KIF16B: variants seen among roughly 807,000 people sequenced by gnomAD.
The protein encoded by KIF16B is kinesin family member 16B.
In KIF16B, 98 loss-of-function variants were observed where a neutral mutation model predicts 156.3. The observed-to-expected ratio is 0.63, with a 90% CI of 0.53 to 0.74. The LOEUF (loss-of-function observed/expected upper bound fraction) is 0.74. Ranked by LOEUF, KIF16B falls within the 30% of genes least tolerant of loss-of-function variation. KIF16B has a pLI of 0.00. For synonymous variants in KIF16B, 564 were observed against 583.7 expected (o/e 0.97, Z 0.49); for missense variants, 1,421 against 1,606.5 (o/e 0.88, Z 1.97).
At chr20:16,511,353 TCA>T in intron 6 of KIF16B, 63 bp downstream of exon 6, 1 of 875,546 alleles carries the variant, frequency 1.1e-6, no homozygotes, top group African/African-American at 1.7e-5. Context: ...CTATATTTTT[TCA>T]TTGAAAGTGT....
At chr20:16,288,717 T>C (rs1456744693) in intron 25 of KIF16B, among the ~76,000 whole-genome samples, 1 of 151,466 alleles carries the variant, frequency 6.6e-6, no homozygotes, top group Non-Finnish European at 1.5e-5. Context: ...TGTACCTTAG[T>C]AAACACAGTA....
chr20:16,289,413 G>T (rs1442544083), intron 25 of KIF16B, among the ~76,000 whole-genome samples: 1 of 152,172 alleles, frequency 6.6e-6, no homozygotes, highest in Non-Finnish European at 1.5e-5. Context: ...GGCTTAAAAT[G>T]TGGAAGTGTT....
chr20:16,276,969 G>T (rs1456764337), intron 25 of KIF16B, among the ~76,000 whole-genome samples: 1 of 152,172 alleles, frequency 6.6e-6, no homozygotes, highest in Admixed American at 6.5e-5. Context: ...ATCTAGATAT[G>T]AATTATACAA....
intron 12 of KIF16B, among the ~76,000 whole-genome samples, chr20:16,480,415 A>T (rs764080348): frequency 6.6e-6 from 1 of 152,180 alleles, no homozygotes; most frequent in Non-Finnish European, 1.5e-5. Flanking sequence ...TGAGACCAAG[A>T]GAGAGAATAT....
intron 22 of KIF16B, chr20:16,366,949 G>A (rs2064680249): frequency 8.0e-6 from 10 of 1,251,432 alleles, no homozygotes; most frequent in Non-Finnish European, 1.0e-5. Flanking sequence ...ATATTTTATT[G>A]GGGCTCTGCT....
intron 1 of KIF16B, among the ~76,000 whole-genome samples, chr20:16,567,849 G>T (rs937765182): frequency 6.6e-6 from 1 of 152,196 alleles, no homozygotes; most frequent in Non-Finnish European, 1.5e-5. Context: ...CTACTCGGGA[G>T]GCTGAGGCAG....
intron 12 of KIF16B, among the ~76,000 whole-genome samples, chr20:16,447,504 T>C (rs1023365733): frequency 6.6e-6 from 1 of 152,002 alleles, no homozygotes; most frequent in Non-Finnish European, 1.5e-5. Context: ...CTGGGTGCAG[T>C]GGCTCACACC....
At chr20:16,447,460 T>C (rs2066965321) in intron 12 of KIF16B, among the ~76,000 whole-genome samples, 1 of 152,086 alleles carries the variant, frequency 6.6e-6, no homozygotes, top group Non-Finnish European at 1.5e-5. Context: ...CAGAAACTTA[T>C]ACTGGAAAAG....
At chr20:16,282,279 C>T (rs1282439821) in intron 25 of KIF16B, among the ~76,000 whole-genome samples, 9 of 151,950 alleles carry the variant, frequency 5.9e-5, no homozygotes, top group Admixed American at 2.6e-4. Flanking sequence ...CTGATATGCC[C>T]GCCTCAGCCT....
At chr20:16,537,965 A>G (rs762184719) in intron 1 of KIF16B, among the ~76,000 whole-genome samples, 6 of 151,994 alleles carry the variant, frequency 3.9e-5, no homozygotes, top group Non-Finnish European at 7.4e-5. Context: ...TGGCCTCCCA[A>G]AGTGTTAGGG....
At chr20:16,337,960 T>C (rs760763554) in intron 23 of KIF16B, among the ~76,000 whole-genome samples, 1 of 152,212 alleles carries the variant, frequency 6.6e-6, no homozygotes, top group Non-Finnish European at 1.5e-5. Context: ...CAGGTGAGAC[T>C]ATACTATACT....
chr20:16,547,961 ACT>A (rs2070479479), intron 1 of KIF16B, among the ~76,000 whole-genome samples: 1 of 151,932 alleles, frequency 6.6e-6, no homozygotes, highest in East Asian at 1.9e-4. Context: ...ATTAAATCTG[ACT>A]CTCTGGCAGA....
chr20:16,429,951 A>G lies in KIF16B; in HGVS notation c.1334T>C (p.Ile445Thr), dbSNP rs770208973. The G allele has an allele frequency of 1.2e-5, 20 of 1,612,994 alleles. No homozygotes were observed. The highest frequency in any genetic ancestry group is 1.7e-5 in the Non-Finnish European group (20 of 1,179,412). ...EQTLALRKEGIGVVLDSELPH... is the reference protein window; with the variant it reads ...EQTLALRKEGTGVVLDSELPH... Reference sequence around the variant, plus strand: ...CAGTTCAGAATCCAAAACAACTCCAATCCCTTCTTTCCTGAGGGCTAGAGT... The same window carrying G: ...CAGTTCAGAATCCAAAACAACTCCAGTCCCTTCTTTCCTGAGGGCTAGAGT... The change falls in exon 13 of 26, where the codon ATT becomes ACT. Residue 445 changes from isoleucine to threonine, a missense_variant. Physicochemically the swap from Ile to Thr is moderately conservative, Grantham distance 89. Coordinates refer to ENST00000354981, the MANE Select transcript of KIF16B (RefSeq NM_024704.5).
At chr20:16,361,523 C>G (rs1429842523) in intron 22 of KIF16B, among the ~76,000 whole-genome samples, 1 of 152,150 alleles carries the variant, frequency 6.6e-6, no homozygotes, top group Non-Finnish European at 1.5e-5. Flanking sequence ...TGGATTTTGC[C>G]AAGACGTGGC....
intron 12 of KIF16B, among the ~76,000 whole-genome samples, chr20:16,492,724 C>T (rs553489245): frequency 2.0e-5 from 3 of 152,178 alleles, no homozygotes; most frequent in Admixed American, 6.5e-5. Flanking sequence ...GCAGAAGAGA[C>T]GGAGCTTCCA....
intron 25 of KIF16B, among the ~76,000 whole-genome samples, chr20:16,299,632 C>T (rs1378101442): frequency 6.6e-6 from 1 of 152,182 alleles, no homozygotes; most frequent in Non-Finnish European, 1.5e-5. Context: ...CCAAAGAGAA[C>T]TTTGGCTATG....
At position 16,380,022 on chromosome 20, in the gene KIF16B, G is replaced by C. The variant is rs1368858939; in HGVS notation, c.1980C>G (p.Arg660=). ...GCTTGTTCTCGATGTGGAAGCTGCG[G>C]CGTTTGAGGCTCTCCTCCTGCTTGC... ...QIRKQEESLK[R]RSFHIENKLK... The change falls in exon 19 of 26, where the codon CGC becomes CGG. Residue 660 remains arginine, a synonymous_variant. Coordinates refer to ENST00000354981, the MANE Select transcript of KIF16B (RefSeq NM_024704.5). 6.3e-7 allele frequency: 1 copy of C among 1,596,936 alleles called. No homozygotes were observed. Among genetic ancestry groups the C allele is most frequent in the Non-Finnish European group, 8.5e-7 (1 of 1,173,318 alleles).
At position 16,379,536 on chromosome 20, in the gene KIF16B, T is replaced by C. The variant is rs1318361718; in HGVS notation, c.2466A>G (p.Gln822=). 3.1e-6 allele frequency: 5 copies of C among 1,614,164 alleles called. No homozygotes were observed. The highest frequency in any genetic ancestry group is 3.4e-6 in the Non-Finnish European group (4 of 1,180,024). ...TTCTCTTGAATTCGAAGAAACGCAG[T>C]TGAGCCTTTTCTAACTCCTCGCCAT... ...DEDGEELEKA[Q]LRFFEFKRRQ... is the part of the protein sequence containing the mutation. The change falls in exon 19 of 26, where the codon CAA becomes CAG. Residue 822 remains glutamine, a synonymous_variant. Transcript: ENST00000354981.
intron 11 of KIF16B, among the ~76,000 whole-genome samples, chr20:16,494,913 C>T (rs948755537): frequency 6.6e-6 from 1 of 152,104 alleles, no homozygotes; most frequent in Non-Finnish European, 1.5e-5. Context: ...AATCTTTTGA[C>T]AAAAATCACT....
Sources: allele counts gnomAD v4.1 joint callset (sites outside exome capture counted in the v4.1 genomes callset), GRCh38; gene constraint gnomAD v4.1.1; transcripts MANE v1.5; gene names NCBI Gene and HGNC (gene_info 2026-07-23, HGNC 2026-07-21).